LRGUK: variants seen among roughly 807,000 people sequenced by gnomAD.
LRGUK encodes the protein leucine-rich repeat and guanylate kinase domain-containing protein.
LRGUK carries 65 observed loss-of-function variants against 76.0 expected under a neutral mutation model. The ratio of observed to expected loss-of-function variants is 0.85; its 90% CI spans 0.70 to 1.05. LRGUK has a LOEUF of 1.05. LRGUK is among the 50% of genes least tolerant of loss of function. The probability of loss-of-function intolerance (pLI) is 0.00; values close to 1 mark genes in which losing one functional copy is unlikely to be tolerated. For synonymous variants in LRGUK, 268 were observed against 265.6 expected (o/e 1.01, Z -0.09); for missense variants, 758 against 732.8 (o/e 1.03, Z -0.40).
At chr7:134,235,015 T>A (rs1801981357) in intron 16 of LRGUK, among the ~76,000 whole-genome samples, 1 of 152,206 alleles carries the variant, frequency 6.6e-6, no homozygotes, top group South Asian at 2.1e-4. Context: ...TATCCTGGTC[T>A]ACTCTTCCAT....
intron 14 of LRGUK, 106 bp downstream of exon 14, chr7:134,199,527 C>A: frequency 1.0e-6 from 1 of 955,284 alleles, no homozygotes; most frequent in Non-Finnish European, 1.6e-6. Flanking sequence ...TTTCTTGTAA[C>A]GGTGAATCAC....
chr7:134,201,030 A>T (rs928744736), intron 14 of LRGUK, among the ~76,000 whole-genome samples: 1 of 152,140 alleles, frequency 6.6e-6, no homozygotes, highest in Non-Finnish European at 1.5e-5. Context: ...CTCAGGTGTC[A>T]TCCACGTGGC....
chr7:134,167,228 A>G (rs566662412), intron 7 of LRGUK, among the ~76,000 whole-genome samples: 6 of 152,310 alleles, frequency 3.9e-5, no homozygotes, highest in Admixed American at 2.6e-4. Flanking sequence ...CTGCTCAGCA[A>G]CTGCTCTCTG....
At chr7:134,222,069 C>G (rs983499986) in intron 16 of LRGUK, 151 bp downstream of exon 16, 12 of 655,372 alleles carry the variant, frequency 1.8e-5, no homozygotes, top group South Asian at 1.1e-4. Flanking sequence ...CTTTGTACAT[C>G]CCTGAGAATA....
chr7:134,247,034 A>C (rs1802320067), intron 16 of LRGUK, among the ~76,000 whole-genome samples: 1 of 152,118 alleles, frequency 6.6e-6, no homozygotes, highest in Non-Finnish European at 1.5e-5. Flanking sequence ...GAATGCAGAG[A>C]CTATCTTGTA....
At chr7:134,138,305 A>G (rs776955328) in intron 2 of LRGUK, among the ~76,000 whole-genome samples, 6 of 152,206 alleles carry the variant, frequency 3.9e-5, no homozygotes, top group Non-Finnish European at 7.3e-5. Context: ...TTATTTTGCC[A>G]CTGACCTCCT....
intron 16 of LRGUK, among the ~76,000 whole-genome samples, chr7:134,222,603 T>C (rs1801628152): frequency 6.6e-6 from 1 of 151,902 alleles, no homozygotes; most frequent in Admixed American, 6.6e-5. Context: ...TGTTTTGTTT[T>C]GTTTTTGTTT....
At chr7:134,160,153 CAG>C (rs1483781224) in intron 6 of LRGUK, among the ~76,000 whole-genome samples, 1 of 151,550 alleles carries the variant, frequency 6.6e-6, no homozygotes, top group African/African-American at 2.4e-5. Flanking sequence ...GCATGGTAAA[CAG>C]ACAAAGATAT....
At chr7:134,162,293 G>T (rs903433260) in intron 6 of LRGUK, among the ~76,000 whole-genome samples, 1 of 152,066 alleles carries the variant, frequency 6.6e-6, no homozygotes, top group Admixed American at 6.5e-5. Context: ...AGGCTGGGAT[G>T]GCAAGGTTTT....
At chr7:134,263,706 C>A in intron 19 of LRGUK, 139 bp from the exon 20 acceptor site, 1 of 744,568 alleles carries the variant, frequency 1.3e-6, no homozygotes, top group Non-Finnish European at 2.0e-6. Flanking sequence ...TAAGCCACTG[C>A]ACCTGGCCTC....
intron 1 of LRGUK, among the ~76,000 whole-genome samples, chr7:134,134,474 A>G (rs1797443149): frequency 6.6e-6 from 1 of 152,204 alleles, no homozygotes. Context: ...AAGGAGAGAC[A>G]TGATACTGCC....
chr7:134,150,479 C>CAAA (rs11403705), intron 5 of LRGUK, among the ~76,000 whole-genome samples: 1 of 134,570 alleles, frequency 7.4e-6, no homozygotes, highest in Non-Finnish European at 1.6e-5. Flanking sequence ...AACAAGCAAA[C>CAAA]AAAAAAAAAA....
At chr7:134,253,640 A>G (rs980789326) in intron 18 of LRGUK, among the ~76,000 whole-genome samples, 5 of 152,024 alleles carry the variant, frequency 3.3e-5, no homozygotes, top group African/African-American at 1.2e-4. Context: ...CATGGCAAAA[A>G]CCCATCTCTA....
At chr7:134,229,978 A>G (rs903460222) in intron 16 of LRGUK, among the ~76,000 whole-genome samples, 7 of 152,326 alleles carry the variant, frequency 4.6e-5, no homozygotes, top group Non-Finnish European at 8.8e-5. Flanking sequence ...CATGGGGTCA[A>G]GATTTCTTAA....
At chr7:134,238,472 ATT>A (rs1309608962) in intron 16 of LRGUK, among the ~76,000 whole-genome samples, 1 of 150,990 alleles carries the variant, frequency 6.6e-6, no homozygotes, top group African/African-American at 2.4e-5. Flanking sequence ...CTCACATTCT[ATT>A]TTTCTTAAAC....
intron 14 of LRGUK, among the ~76,000 whole-genome samples, chr7:134,200,755 C>CAA (rs1468078708): frequency 3.9e-5 from 6 of 152,110 alleles, no homozygotes; most frequent in Non-Finnish European, 8.8e-5. Context: ...GTTTTCTATT[C>CAA]CTGCATAGAA....
intron 1 of LRGUK, among the ~76,000 whole-genome samples, chr7:134,129,830 A>T (rs550596328): frequency 6.6e-6 from 1 of 152,154 alleles, no homozygotes; most frequent in East Asian, 1.9e-4. Flanking sequence ...CCCTCTTTAC[A>T]TCTTTGCATC....
chr7:134,233,724 T>TTTTTA (rs1472438921), intron 16 of LRGUK, among the ~76,000 whole-genome samples: 2 of 152,186 alleles, frequency 1.3e-5, no homozygotes, highest in African/African-American at 4.8e-5. Flanking sequence ...ATGTGAATCT[T>TTTTTA]TTTTATTTTA....
intron 11 of LRGUK, among the ~76,000 whole-genome samples, chr7:134,186,015 C>T (rs886565400): frequency 6.6e-6 from 1 of 152,170 alleles, no homozygotes; most frequent in African/African-American, 2.4e-5. Flanking sequence ...AATGGAAGGA[C>T]AAACTAGGGC....
Sources: allele counts gnomAD v4.1 joint callset (sites outside exome capture counted in the v4.1 genomes callset), GRCh38; gene constraint gnomAD v4.1.1; transcripts MANE v1.5; gene names NCBI Gene and HGNC (gene_info 2026-07-23, HGNC 2026-07-21).